CAB39L: variants seen among roughly 807,000 people sequenced by gnomAD.
The protein encoded by CAB39L is calcium-binding protein 39-like.
CAB39L carries 23 observed loss-of-function variants against 39.1 expected under a neutral mutation model. The observed-to-expected ratio is 0.59, with a 90% CI of 0.42 to 0.83. The LOEUF (loss-of-function observed/expected upper bound fraction) is 0.83, where lower values mean the gene tolerates loss of function less well. Among genes scored for constraint, CAB39L ranks in the 40% least tolerant of loss-of-function variants. The probability of loss-of-function intolerance (pLI) is 0.00; values close to 1 mark genes in which losing one functional copy is unlikely to be tolerated. For synonymous variants in CAB39L, 126 were observed against 137.2 expected (o/e 0.92, Z 0.57); for missense variants, 366 against 391.9 (o/e 0.93, Z 0.56).
chr13:49,387,830 T>C (rs1181390101), intron 3 of CAB39L, among the ~76,000 whole-genome samples: 1 of 152,128 alleles, frequency 6.6e-6, no homozygotes, highest in East Asian at 1.9e-4. Context: ...AATACACACA[T>C]GCCCAAGATG....
chr13:49,358,753 G>A (rs1422695791), intron 6 of CAB39L, among the ~76,000 whole-genome samples: 2 of 152,020 alleles, frequency 1.3e-5, no homozygotes, highest in Admixed American at 6.5e-5. Flanking sequence ...CCAGCTACCC[G>A]GGAGGCTGAG....
chr13:49,413,389 C>T (rs1207771819), intron 3 of CAB39L, among the ~76,000 whole-genome samples: 1 of 151,748 alleles, frequency 6.6e-6, no homozygotes, highest in Non-Finnish European at 1.5e-5. Context: ...TAGCAAATAC[C>T]TAAGAAATGG....
chr13:49,403,634 G>C (rs1177299884), intron 3 of CAB39L, among the ~76,000 whole-genome samples: 1 of 151,988 alleles, frequency 6.6e-6, no homozygotes, highest in Non-Finnish European at 1.5e-5. Context: ...AGACATGGCA[G>C]ATATAAAAAA....
chr13:49,380,826 G>A (rs1249065849), intron 4 of CAB39L, among the ~76,000 whole-genome samples: 3 of 152,058 alleles, frequency 2.0e-5, no homozygotes, highest in Non-Finnish European at 2.9e-5. Flanking sequence ...AGTAGAATAA[G>A]GCAAATTACA....
intron 3 of CAB39L, among the ~76,000 whole-genome samples, chr13:49,385,748 G>A (rs545421277): frequency 1.1e-4 from 16 of 152,236 alleles, no homozygotes; most frequent in African/African-American, 3.1e-4. Context: ...ACGGCCAGTC[G>A]ATGGGGCACT....
intron 10 of CAB39L, among the ~76,000 whole-genome samples, chr13:49,319,256 CAAAAT>C (rs1954279524): frequency 6.6e-6 from 1 of 151,906 alleles, no homozygotes; most frequent in African/African-American, 2.4e-5. Context: ...AAAATTAAAA[CAAAAT>C]AAAAAAAGAA....
At chr13:49,439,755 G>T (rs542551849) in intron 1 of CAB39L, among the ~76,000 whole-genome samples, 1 of 152,108 alleles carries the variant, frequency 6.6e-6, no homozygotes, top group Non-Finnish European at 1.5e-5. Flanking sequence ...GTTGTTTTTT[G>T]ACTTTTTAGT....
chr13:49,348,342 C>A (rs1360554611), intron 7 of CAB39L, among the ~76,000 whole-genome samples: 1 of 152,146 alleles, frequency 6.6e-6, no homozygotes, highest in Non-Finnish European at 1.5e-5. Flanking sequence ...CCAAGGCAGG[C>A]GGATGGCTTG....
At chr13:49,345,893 G>A (rs182715599) in intron 7 of CAB39L, among the ~76,000 whole-genome samples, 11 of 151,904 alleles carry the variant, frequency 7.2e-5, no homozygotes, top group African/African-American at 2.7e-4. Context: ...GATCAGTGCT[G>A]CCTTGAAAGG....
chr13:49,351,031 G>A (rs1368822366), intron 6 of CAB39L, 119 bp from the exon 7 acceptor site: 13 of 654,442 alleles, frequency 2.0e-5, no homozygotes, highest in Non-Finnish European at 2.3e-5. Flanking sequence ...CATTTGTCAC[G>A]ATTCATTCAA....
intron 5 of CAB39L, among the ~76,000 whole-genome samples, chr13:49,369,614 G>A (rs993620752): frequency 1.3e-5 from 2 of 148,464 alleles, no homozygotes; most frequent in African/African-American, 5.0e-5. Context: ...TTGAGACAAA[G>A]TCTTGCTCTG....
intron 3 of CAB39L, among the ~76,000 whole-genome samples, chr13:49,428,515 C>T (rs1957274716): frequency 1.3e-5 from 2 of 152,146 alleles, no homozygotes; most frequent in Admixed American, 6.6e-5. Context: ...GGCGCAAATA[C>T]CAGCAGGTGG....
At chr13:49,392,107 TAC>T (rs113803530) in intron 3 of CAB39L, among the ~76,000 whole-genome samples, 1,951 of 151,522 alleles carry the variant, frequency 0.013, 47 homozygotes, top group African/African-American at 0.045. Flanking sequence ...TGAGAAATTA[TAC>T]ACACACACAC....
In CAB39L at chr13:49,344,217, C is replaced by T. The variant is rs371830402; in HGVS notation, c.586G>A (p.Val196Met). Residue 196 changes from valine (V) to methionine (M), a missense_variant, in exon 8 of 11, where the codon GTG becomes ATG. Physicochemically the swap from Val to Met is conservative, Grantham distance 21. Transcript: ENST00000409308. Reference protein sequence around the residue: ...TFKDLLTRHKVLVADFLEQNY... With the variant: ...TFKDLLTRHKMLVADFLEQNY... ...TGTTCTAAGAAGTCTGCTACCAACA[C>T]TTTATGTCTGGTTAGTAAATCCTAG... The T allele has an allele frequency of 1.9e-6, 3 of 1,598,890 alleles. No individual in the cohort carries two copies. The highest frequency in any genetic ancestry group is 1.7e-6 in the Non-Finnish European group (2 of 1,166,900).
At chr13:49,387,434 CACTAGATA>C (rs1166285606) in intron 3 of CAB39L, among the ~76,000 whole-genome samples, 1 of 152,186 alleles carries the variant, frequency 6.6e-6, no homozygotes, top group East Asian at 1.9e-4. Context: ...AGAAGGCTGA[CACTAGATA>C]AATGCCTCCT....
intron 9 of CAB39L, among the ~76,000 whole-genome samples, chr13:49,334,989 A>G (rs1954811878): frequency 6.6e-6 from 1 of 152,180 alleles, no homozygotes; most frequent in Non-Finnish European, 1.5e-5. Context: ...ACAAGCAAAT[A>G]GTTGGAAAAG....
At position 49,310,669 on chromosome 13, in the gene CAB39L, G is replaced by A. The variant is rs1953956477; in HGVS notation, c.*145C>T. On this transcript the variant is annotated 3_prime_UTR_variant, in exon 11 of 11. Coordinates refer to ENST00000409308, the MANE Select transcript of CAB39L (RefSeq NM_001079670.3). Reference sequence around the variant, plus strand: ...TAGGTTAATTTTTTTCCATTCAAATGTTTATACTCCATCTACCCAGAACAA... The same window carrying A: ...TAGGTTAATTTTTTTCCATTCAAATATTTATACTCCATCTACCCAGAACAA... 6 of 691,516 alleles carry A rather than the reference G, an allele frequency of 8.7e-6. No individual in the cohort carries two copies. Among genetic ancestry groups the A allele is most frequent in the East Asian group, 2.7e-5 (1 of 37,730 alleles). 42.8% of individuals were successfully genotyped at this position (691,516 alleles called of 1,614,324 possible).
intron 10 of CAB39L, among the ~76,000 whole-genome samples, chr13:49,317,790 T>C (rs546716919): frequency 1.3e-5 from 2 of 152,222 alleles, no homozygotes; most frequent in African/African-American, 4.8e-5. Flanking sequence ...TGAAAACTTT[T>C]GTATATCAAA....
chr13:49,433,419 T>G (rs1957357634), intron 2 of CAB39L, 26 bp from the exon 3 acceptor site: 1 of 448,444 alleles, frequency 2.2e-6, no homozygotes, highest in Admixed American at 2.5e-5. Flanking sequence ...GCTTTAAAAT[T>G]AATTTTTAAA....
Sources: allele counts gnomAD v4.1 joint callset (sites outside exome capture counted in the v4.1 genomes callset), GRCh38; gene constraint gnomAD v4.1.1; transcripts MANE v1.5; gene names NCBI Gene and HGNC (gene_info 2026-07-23, HGNC 2026-07-21).